Variants in LAMA1 observed in about 807,000 individuals in gnomAD.
LAMA1 encodes laminin subunit alpha 1, also known as laminin subunit alpha-1.
LAMA1 carries 219 observed loss-of-function variants against 348.7 expected under a neutral mutation model. That is an observed-to-expected ratio of 0.63 (90% CI 0.56 to 0.70). The LOEUF is 0.70. Ranked by LOEUF, LAMA1 falls within the 30% of genes least tolerant of loss-of-function variation. The probability of loss-of-function intolerance (pLI) is 0.00; values close to 1 mark genes in which losing one functional copy is unlikely to be tolerated. For synonymous variants in LAMA1, 1,487 were observed against 1,491.0 expected (o/e 1.00, Z 0.06); for missense variants, 3,744 against 3,888.0 (o/e 0.96, Z 0.99).
chr18:7,022,082 A>G (rs907664939), intron 19 of LAMA1, among the ~76,000 whole-genome samples: 2 of 151,896 alleles, frequency 1.3e-5, no homozygotes, highest in Non-Finnish European at 2.9e-5. Context: ...TAAAACTCAC[A>G]TTAGTCGAGA....
At chr18:6,949,868 T>C (rs879401878) in intron 58 of LAMA1, among the ~76,000 whole-genome samples, 1 of 152,220 alleles carries the variant, frequency 6.6e-6, no homozygotes, top group Non-Finnish European at 1.5e-5. Context: ...GATACAGGCA[T>C]AAACTCTAAC....
At chr18:7,051,606 T>C (rs1473990407) in intron 3 of LAMA1, among the ~76,000 whole-genome samples, 1 of 152,254 alleles carries the variant, frequency 6.6e-6, no homozygotes, top group Non-Finnish European at 1.5e-5. Context: ...CTTGTTCTTG[T>C]TTCCAATGTC....
intron 41 of LAMA1, 130 bp downstream of exon 41, chr18:6,982,367 T>G (rs2057715592): frequency 1.2e-6 from 1 of 813,810 alleles, no homozygotes; most frequent in Non-Finnish European, 2.2e-6. Context: ...GATAGGAAAT[T>G]GGAATATAAA....
rs918987254 is a variant in LAMA1, at chr18:7,002,328, C to T, written c.4318G>A (p.Gly1440Arg). The T allele has an allele frequency of 8.7e-6, 14 of 1,613,760 alleles. No homozygotes were observed. The highest frequency in any genetic ancestry group is 1.6e-4 in the Middle Eastern group (1 of 6,062). ...TCACTTGCTGAGCCAGTCACCTTCCCGTAGTAGCCAGAAGTACACACATCA... is the reference window on the plus strand; with the variant it reads ...TCACTTGCTGAGCCAGTCACCTTCCTGTAGTAGCCAGAAGTACACACATCA... ...HCDVCTSGYY[G>R]KVTGSASDCA... Residue 1440 changes from glycine to arginine, a missense_variant, in exon 30 of 63, where the codon GGG becomes AGG. By Grantham distance (125) the Gly-to-Arg change is moderately radical. This residue lies in a region of LAMA1 where 1,983 missense variants were observed against 1,934.3 expected (regional missense o/e 1.03). Coordinates refer to ENST00000389658, the MANE Select transcript of LAMA1 (RefSeq NM_005559.4).
chr18:7,046,506 A>G (rs2058042487), intron 5 of LAMA1, 139 bp from the exon 6 acceptor site: 1 of 568,392 alleles, frequency 1.8e-6, no homozygotes, highest in Non-Finnish European at 3.1e-6. Flanking sequence ...TACATTTAAA[A>G]ATTATATTTC....
intron 62 of LAMA1, 37 bp downstream of exon 62, chr18:6,943,143 G>T (rs756014268): frequency 6.4e-7 from 1 of 1,551,612 alleles, no homozygotes; most frequent in Non-Finnish European, 8.9e-7. Context: ...CAGGGACAGT[G>T]CCCCTTTTGA....
chr18:7,042,454 G>T, intron 8 of LAMA1: 1 of 546,356 alleles, frequency 1.8e-6, no homozygotes, highest in Non-Finnish European at 3.3e-6. Flanking sequence ...GCAGTAGTTA[G>T]TACCCTTAGC....
In LAMA1 at chr18:7,034,562, A is replaced by G; in HGVS notation, c.1968T>C (p.Arg656=). The G allele has an allele frequency of 6.2e-7, 1 of 1,614,196 alleles. No individual in the cohort carries two copies. The highest frequency in any genetic ancestry group is 1.1e-5 in the South Asian group (1 of 91,086). Residue 656 remains arginine, a synonymous_variant, in exon 14 of 63, where the codon CGT becomes CGC. Transcript: ENST00000389658. ...QDFHSKRQID[R]DQLMTVLANV... ...TGGCAAGGACAGTCATCAGCTGGTC[A>G]CGATCAATCTGCCTTTTGCTGTGAA...
In LAMA1 at chr18:7,079,970, C is replaced by T. The variant is rs1251172621; in HGVS notation, c.345+5G>A. On this transcript the variant is annotated splice_donor_5th_base_variant and intron_variant, in intron 3 of 62. Coordinates refer to ENST00000389658, the MANE Select transcript of LAMA1 (RefSeq NM_005559.4). ...ACACTCTTCAATGGTTCTGGGCTCACCTACCTGTCTTAAGTCCAGAGTGAT... is the reference window on the plus strand; with the variant it reads ...ACACTCTTCAATGGTTCTGGGCTCATCTACCTGTCTTAAGTCCAGAGTGAT... 1 of 1,604,834 alleles carries T rather than the reference C, an allele frequency of 6.2e-7. No individual in the cohort carries two copies. The highest frequency in any genetic ancestry group is 1.7e-5 in the Admixed American group (1 of 60,024).
At chr18:6,951,047 A>T in intron 57 of LAMA1, 76 bp from the exon 58 acceptor site, 1 of 1,339,064 alleles carries the variant, frequency 7.5e-7, no homozygotes, top group Non-Finnish European at 1.0e-6. Flanking sequence ...AGAGGACCCA[A>T]CAATTGTTTC....
chr18:7,002,703 C>G (rs1438949002), intron 29 of LAMA1, among the ~76,000 whole-genome samples: 1 of 151,838 alleles, frequency 6.6e-6, no homozygotes, highest in Non-Finnish European at 1.5e-5. Flanking sequence ...ATTTAGTGCC[C>G]CAAAAAACAA....
chr18:7,005,962 G>A (rs544873260), intron 29 of LAMA1, among the ~76,000 whole-genome samples: 59 of 152,260 alleles, frequency 3.9e-4, no homozygotes, highest in African/African-American at 1.2e-3. Flanking sequence ...TTTGGCTCCA[G>A]TGTTTCCTTG....
At chr18:6,991,151 T>C (rs915362190) in intron 36 of LAMA1, among the ~76,000 whole-genome samples, 1 of 152,166 alleles carries the variant, frequency 6.6e-6, no homozygotes, top group African/African-American at 2.4e-5. Context: ...ATTAGATTAC[T>C]AGTCCTCTCT....
At chr18:7,013,156 G>A (rs1465498904) in intron 23 of LAMA1, among the ~76,000 whole-genome samples, 3 of 151,894 alleles carry the variant, frequency 2.0e-5, no homozygotes, top group African/African-American at 7.3e-5. Flanking sequence ...GCAAGACTCT[G>A]TCTCTAAATA....
At chr18:7,008,264 C>G (rs1274957458) in intron 28 of LAMA1, among the ~76,000 whole-genome samples, 1 of 152,082 alleles carries the variant, frequency 6.6e-6, no homozygotes, top group Non-Finnish European at 1.5e-5. Context: ...GACAGTTGTA[C>G]AACAACGTGA....
At chr18:7,095,433 A>G (rs985968159) in intron 1 of LAMA1, among the ~76,000 whole-genome samples, 1 of 152,180 alleles carries the variant, frequency 6.6e-6, no homozygotes, top group Non-Finnish European at 1.5e-5. Context: ...CACACAGAAC[A>G]GTGAATTTTC....
At chr18:6,982,701 A>C in intron 40 of LAMA1, 111 bp from the exon 41 acceptor site, 1 of 915,032 alleles carries the variant, frequency 1.1e-6, no homozygotes, top group African/African-American at 1.6e-5. Context: ...CCCAGCAAGA[A>C]AGTCAGCCAG....
Position 6,982,554 on chromosome 18 carries a change from C to T in LAMA1, c.5833G>A (p.Val1945Met), listed in dbSNP as rs375358860. 5.0e-5 allele frequency: 81 copies of T among 1,614,022 alleles called. No homozygotes were observed. Among genetic ancestry groups the T allele is most frequent in the Middle Eastern group, 1.6e-4 (1 of 6,084 alleles). The part of the protein sequence containing the change: ...ESLVSNGKAA[V>M]QRSSRFLKEG... ...TTTAGAAATCTGGAGCTGCGCTGCA[C>T]GGCCGCTTTCCCGTTAGAAACAAGG... Residue 1945 changes from valine (V) to methionine (M), a missense_variant, in exon 41 of 63, where the codon GTG (valine) becomes ATG (methionine). Transcript: ENST00000389658.
intron 36 of LAMA1, among the ~76,000 whole-genome samples, chr18:6,992,303 A>G (rs947308953): frequency 6.6e-6 from 1 of 152,226 alleles, no homozygotes; most frequent in African/African-American, 2.4e-5. Context: ...AACATCCCGG[A>G]ATCACAGAAA....
Sources: allele counts gnomAD v4.1 joint callset (sites outside exome capture counted in the v4.1 genomes callset), GRCh38; gene constraint gnomAD v4.1.1; regional missense constraint gnomAD v4.1.1; transcripts MANE v1.5; gene names NCBI Gene and HGNC (gene_info 2026-07-23, HGNC 2026-07-21).